TRHDE: variants seen among roughly 807,000 people sequenced by gnomAD.
TRHDE encodes the protein thyrotropin-releasing hormone-degrading ectoenzyme.
Under a neutral mutation model 125.7 loss-of-function variants are expected in TRHDE, and 72 were observed. The ratio of observed to expected loss-of-function variants is 0.57; its 90% confidence interval spans 0.47 to 0.70. The LOEUF is 0.70. Among genes scored for constraint, TRHDE ranks in the 30% least tolerant of loss-of-function variants. The pLI, the probability that TRHDE is intolerant of heterozygous loss-of-function variation, is 0.00. For missense variants in TRHDE, 1,110 were observed against 1,327.1 expected (o/e 0.84, Z 2.54); for synonymous variants, 509 against 509.1 (o/e 1.00, Z 0.00).
intron 2 of TRHDE, among the ~76,000 whole-genome samples, chr12:72,166,558 T>C (rs966276402): frequency 7.9e-5 from 12 of 152,176 alleles, no homozygotes; most frequent in African/African-American, 1.7e-4. Context: ...CACCAAGTCA[T>C]AAATTATGGC....
chr12:72,612,159 T>C (rs1872656190), intron 12 of TRHDE, among the ~76,000 whole-genome samples: 1 of 152,182 alleles, frequency 6.6e-6, no homozygotes, highest in Admixed American at 6.5e-5. Context: ...TCAGTCAGTA[T>C]TCTCCTCCCA....
At chr12:72,332,015 G>A (rs902016618) in intron 2 of TRHDE, among the ~76,000 whole-genome samples, 1 of 152,154 alleles carries the variant, frequency 6.6e-6, no homozygotes, top group African/African-American at 2.4e-5. Flanking sequence ...CAAGAAGCAT[G>A]GTATTGGCAC....
At chr12:72,174,538 C>G (rs758254555) in intron 2 of TRHDE, among the ~76,000 whole-genome samples, 4 of 152,148 alleles carry the variant, frequency 2.6e-5, no homozygotes, top group Non-Finnish European at 4.4e-5. Context: ...CTACAATTAG[C>G]TGTCACATCT....
chr12:72,282,507 G>A (rs539751703), intron 1 of TRHDE, among the ~76,000 whole-genome samples: 60 of 152,256 alleles, frequency 3.9e-4, no homozygotes, highest in African/African-American at 1.4e-3. Flanking sequence ...AATTCTGCAG[G>A]CACTGTTGCC....
In TRHDE at chr12:72,224,271, C is replaced by A. The variant is rs575729968; in HGVS notation, n.279+118519C>A. The stretch of plus-strand genomic sequence containing the variant: ...TGGTTACAAATATGAAGGACCCCCC[C>A]CTAGGTAGACCAGAACCAGAGCTGT... On this transcript the variant is annotated intron_variant and non_coding_transcript_variant, in intron 2 of 4. Transcript: ENST00000548156. Among the ~76,000 whole-genome samples, 646 of 151,782 alleles carry A rather than the reference C, an allele frequency of 4.3e-3. 6 individuals are homozygous for A. The highest frequency in any genetic ancestry group is 0.014 in the African/African-American group (591 of 41,328).
chr12:72,300,927 T>C (rs1868252728), intron 2 of TRHDE, among the ~76,000 whole-genome samples: 1 of 152,090 alleles, frequency 6.6e-6, no homozygotes. Context: ...ATTAGCCCTG[T>C]GCGGTTATTT....
In TRHDE at chr12:72,375,159, A is replaced by T. The variant is rs1489057946; in HGVS notation, c.1189-2836A>T. 4.1e-4 allele frequency among the ~76,000 whole-genome samples: 62 copies of T among 152,258 alleles called. 1 individual carries two copies. The highest frequency in any genetic ancestry group is 1.5e-5 in the Non-Finnish European group (1 of 68,012). ...TGAAATGGCAGGGAAGGGAGGGTAC[A>T]TTGTTATATTTCTCACATTGTATTT... On this transcript the variant is annotated intron_variant, in intron 2 of 18. Coordinates refer to ENST00000261180, the MANE Select transcript of TRHDE (RefSeq NM_013381.3).
At chr12:72,579,445 C>A (rs1871143244) in intron 12 of TRHDE, among the ~76,000 whole-genome samples, 1 of 152,070 alleles carries the variant, frequency 6.6e-6, no homozygotes, top group African/African-American at 2.4e-5. Flanking sequence ...AGATTAAAAA[C>A]CTAATAGAAA....
intron 2 of TRHDE, chr12:72,263,485 T>C (rs1301121221): frequency 6.6e-6 from 1 of 152,090 alleles, no homozygotes; most frequent in Non-Finnish European, 1.5e-5. Context: ...AAAGGTTAAA[T>C]GGAGGATTAT....
chr12:72,638,047 C>T (rs1873846926), intron 15 of TRHDE, among the ~76,000 whole-genome samples: 1 of 149,426 alleles, frequency 6.7e-6, no homozygotes, highest in Admixed American at 6.7e-5. Flanking sequence ...GAGTTCAATT[C>T]CTGGGTATCC....
intron 2 of TRHDE, among the ~76,000 whole-genome samples, chr12:72,121,469 C>T (rs976425301): frequency 6.6e-6 from 1 of 152,098 alleles, no homozygotes; most frequent in African/African-American, 2.4e-5. Flanking sequence ...TGAGTTTTGC[C>T]CTGTGTTGCT....
chr12:72,578,054 G>C lies in TRHDE; in HGVS notation c.2321+2512G>C, dbSNP rs552439044. ...ATTGTAAATATTCCATAGTTTTGCTGTTCAGTCTATATCAACCTTCTCTCA... is the reference window on the plus strand; with the variant it reads ...ATTGTAAATATTCCATAGTTTTGCTCTTCAGTCTATATCAACCTTCTCTCA... On this transcript the variant is annotated intron_variant, in intron 12 of 18. Coordinates refer to ENST00000261180, the MANE Select transcript of TRHDE (RefSeq NM_013381.3). Among the ~76,000 whole-genome samples the C allele has an allele frequency of 1.1e-4, 16 of 152,234 alleles. 1 individual carries two copies. In the South Asian group the frequency reaches 3.3e-3, roughly 32 times the overall value.
chr12:72,644,145 G>A (rs148556737), intron 15 of TRHDE, among the ~76,000 whole-genome samples: 32 of 152,304 alleles, frequency 2.1e-4, no homozygotes, highest in Middle Eastern at 3.4e-3. Flanking sequence ...TAATTGAAAT[G>A]TTCCTGTATC....
intron 6 of TRHDE, among the ~76,000 whole-genome samples, chr12:72,502,799 T>A (rs916220669): frequency 6.6e-6 from 1 of 152,144 alleles, no homozygotes; most frequent in Non-Finnish European, 1.5e-5. Flanking sequence ...CATCTAAAAC[T>A]GTGGAGAAAA....
At chr12:72,468,656 T>C (rs1005479537) in intron 3 of TRHDE, among the ~76,000 whole-genome samples, 4 of 152,200 alleles carry the variant, frequency 2.6e-5, no homozygotes, top group Non-Finnish European at 4.4e-5. Flanking sequence ...ATTTTCAACC[T>C]GTTTTCATGA....
At chr12:72,597,008 CTAGT>C (rs1277690333) in intron 12 of TRHDE, among the ~76,000 whole-genome samples, 1 of 152,102 alleles carries the variant, frequency 6.6e-6, no homozygotes, top group Non-Finnish European at 1.5e-5. Flanking sequence ...GTGGCTATAC[CTAGT>C]TAGAGTGATC....
At chr12:72,310,991 A>C (rs1868516376) in intron 2 of TRHDE, among the ~76,000 whole-genome samples, 1 of 152,224 alleles carries the variant, frequency 6.6e-6, no homozygotes, top group Admixed American at 6.5e-5. Flanking sequence ...TTTTCCAATT[A>C]GTTTTTATTA....
chr12:72,598,147 G>A (rs1431109685), intron 12 of TRHDE, among the ~76,000 whole-genome samples: 1 of 152,034 alleles, frequency 6.6e-6, no homozygotes, highest in Non-Finnish European at 1.5e-5. Context: ...AACTAACAGA[G>A]CTAACATCAG....
At chr12:72,657,121 ACGCACAC>A in intron 18 of TRHDE, 113 bp downstream of exon 18, 2 of 681,322 alleles carry the variant, frequency 2.9e-6, no homozygotes, top group Non-Finnish European at 5.2e-6. Flanking sequence ...TTACTTACAC[ACGCACAC>A]CACACACACA....
Sources: gnomAD v4.1 joint callset for allele counts (sites outside exome capture counted in the v4.1 genomes callset) on GRCh38, gnomAD v4.1.1 for gene constraint, MANE v1.5 for transcripts, NCBI Gene and HGNC (gene_info 2026-07-23, HGNC 2026-07-21) for gene names.